ADAMTSL1: variants seen among roughly 807,000 people sequenced by gnomAD.
The protein encoded by ADAMTSL1 is ADAMTS-like protein 1.
ADAMTSL1 carries 126 observed loss-of-function variants against 201.8 expected under a neutral mutation model. The ratio of observed to expected loss-of-function variants is 0.62; its 90% CI spans 0.54 to 0.72. The LOEUF is 0.72. Ranked by LOEUF, ADAMTSL1 falls within the 30% of genes least tolerant of loss-of-function variation. The pLI is 0.00. For synonymous variants in ADAMTSL1, 1,121 were observed against 903.4 expected (o/e 1.24, Z -4.32); for missense variants, 2,679 against 2,277.8 (o/e 1.18, Z -3.59).
At chr9:18,639,784 C>G (rs975475152) in intron 7 of ADAMTSL1, among the ~76,000 whole-genome samples, 1 of 152,020 alleles carries the variant, frequency 6.6e-6, no homozygotes, top group Non-Finnish European at 1.5e-5. Context: ...ACTAATTATC[C>G]ATCATCTTGG....
intron 1 of ADAMTSL1, among the ~76,000 whole-genome samples, chr9:18,486,901 A>C (rs1260925521): frequency 6.6e-6 from 1 of 152,170 alleles, no homozygotes; most frequent in African/African-American, 2.4e-5. Context: ...CCTTAGATTC[A>C]TGTCACAATT....
intron 2 of ADAMTSL1, among the ~76,000 whole-genome samples, chr9:18,397,677 G>A (rs1252677670): frequency 2.0e-5 from 3 of 152,070 alleles, no homozygotes; most frequent in Admixed American, 2.0e-4. Flanking sequence ...TTGGATTATA[G>A]GACATACCAC....
At chr9:18,118,229 G>A (rs937454677) in intron 1 of ADAMTSL1, among the ~76,000 whole-genome samples, 23 of 152,294 alleles carry the variant, frequency 1.5e-4, no homozygotes, top group African/African-American at 4.6e-4. Context: ...AACAATTCTG[G>A]TTCACTCAGT....
At chr9:18,800,921 T>A (rs2131081555) in intron 20 of ADAMTSL1, among the ~76,000 whole-genome samples, 2 of 152,202 alleles carry the variant, frequency 1.3e-5, no homozygotes, top group South Asian at 4.1e-4. Flanking sequence ...TCAACATCAA[T>A]TAAATAATTA....
intron 26 of ADAMTSL1, among the ~76,000 whole-genome samples, chr9:18,902,374 T>C (rs1231005211): frequency 6.6e-6 from 1 of 152,162 alleles, no homozygotes; most frequent in African/African-American, 2.4e-5. Context: ...AAATAATTCT[T>C]AATACAGTTC....
chr9:18,014,542 T>C (rs1563949454), intron 1 of ADAMTSL1, among the ~76,000 whole-genome samples: 1 of 152,122 alleles, frequency 6.6e-6, no homozygotes, highest in Non-Finnish European at 1.5e-5. Context: ...ACCTTATGCA[T>C]TCAAAACTGA....
chr9:18,559,955 CAG>C lies in ADAMTSL1; in HGVS notation c.238-14071_238-14070del, dbSNP rs576257318. 7.6e-4 allele frequency among the ~76,000 whole-genome samples: 116 copies of C among 152,222 alleles called. 2 individuals carry two copies. In the South Asian group the frequency reaches 0.024, roughly 31 times the overall value. ...AATATACAATTATGTCATCTGCAAACAGAGACAATTTGACTTCCCCTTTTCCT... is the reference window on the plus strand; with the variant it reads ...AATATACAATTATGTCATCTGCAAACAGACAATTTGACTTCCCCTTTTCCT... On this transcript the variant is annotated intron_variant, in intron 3 of 28. Coordinates refer to ENST00000380548, the MANE Select transcript of ADAMTSL1 (RefSeq NM_001040272.6).
chr9:18,349,837 G>A (rs140461803), intron 2 of ADAMTSL1, among the ~76,000 whole-genome samples: 1,705 of 151,952 alleles, frequency 0.011, 18 homozygotes, highest in Non-Finnish European at 0.02. Flanking sequence ...TACCCCACAA[G>A]CTTTTCAGAG....
At chr9:18,611,269 G>T (rs1050329844) in intron 4 of ADAMTSL1, among the ~76,000 whole-genome samples, 3 of 152,166 alleles carry the variant, frequency 2.0e-5, no homozygotes, top group Non-Finnish European at 4.4e-5. Context: ...CAGTCTGAGA[G>T]ACAGAAGCAA....
chr9:18,643,282 T>C (rs1223720584), intron 7 of ADAMTSL1, among the ~76,000 whole-genome samples: 1 of 152,100 alleles, frequency 6.6e-6, no homozygotes, highest in Non-Finnish European at 1.5e-5. Context: ...TTTCTTGCTA[T>C]TGAGTTGTTT....
chr9:18,532,160 C>T (rs1819482877), intron 2 of ADAMTSL1, among the ~76,000 whole-genome samples: 1 of 152,026 alleles, frequency 6.6e-6, no homozygotes, highest in South Asian at 2.1e-4. Context: ...TACTGTTTTT[C>T]ATGATTTAAG....
chr9:18,167,051 C>T (rs548574675), intron 2 of ADAMTSL1, among the ~76,000 whole-genome samples: 1 of 151,962 alleles, frequency 6.6e-6, no homozygotes, highest in Non-Finnish European at 1.5e-5. Context: ...CAGCAGTCAA[C>T]TAAACTTCCA....
chr9:17,932,184 C>G (rs566810140), intron 1 of ADAMTSL1, among the ~76,000 whole-genome samples: 32 of 152,190 alleles, frequency 2.1e-4, no homozygotes, highest in Non-Finnish European at 4.0e-4. Flanking sequence ...ACCATGGGCT[C>G]AAGCAGTGCT....
chr9:18,234,783 G>A (rs1830776284), intron 2 of ADAMTSL1, among the ~76,000 whole-genome samples: 1 of 152,178 alleles, frequency 6.6e-6, no homozygotes, highest in African/African-American at 2.4e-5. Context: ...TTCAGAACCA[G>A]ATTTGTCCTC....
At chr9:18,474,121 A>C, upstream of ADAMTSL1, 2 of 613,234 alleles carry the variant, frequency 3.3e-6, no homozygotes, top group Non-Finnish European at 2.8e-6. Context: ...GGGCTGATGG[A>C]AGCTGATAGG....
chr9:18,140,867 G>A (rs1288744927), intron 1 of ADAMTSL1, among the ~76,000 whole-genome samples: 1 of 152,188 alleles, frequency 6.6e-6, no homozygotes, highest in African/African-American at 2.4e-5. Context: ...TAGTTAATGT[G>A]ACAGAGCTGT....
rs192906410 is a variant in ADAMTSL1 at position 18,671,403 on chromosome 9, G to C, written c.1086-4454G>C. On this transcript the variant is annotated intron_variant, in intron 9 of 28. Coordinates refer to ENST00000380548, the MANE Select transcript of ADAMTSL1 (RefSeq NM_001040272.6). ...AGAGTAGGCTGGATTGATTTGTTACGAGACTGGTATGAAAGTGCCCAAACT... is the reference window on the plus strand; with the variant it reads ...AGAGTAGGCTGGATTGATTTGTTACCAGACTGGTATGAAAGTGCCCAAACT... Among the ~76,000 whole-genome samples the C allele has an allele frequency of 9.2e-4, 140 of 152,294 alleles. 4 individuals carry two copies. The highest frequency in any genetic ancestry group is 3.2e-3 in the African/African-American group (134 of 41,556).
intron 1 of ADAMTSL1, among the ~76,000 whole-genome samples, chr9:18,153,046 T>C (rs1166786420): frequency 1.5e-5 from 1 of 66,962 alleles, no homozygotes; most frequent in Non-Finnish European, 4.3e-5. Flanking sequence ...CAGCATGAAG[T>C]AGAAAAAAAA....
intron 4 of ADAMTSL1, among the ~76,000 whole-genome samples, chr9:18,609,741 G>A (rs888627683): frequency 6.6e-6 from 1 of 151,980 alleles, no homozygotes; most frequent in African/African-American, 2.4e-5. Flanking sequence ...CAACACACAG[G>A]GTCTGATAAT....
Sources: allele counts gnomAD v4.1 joint callset (sites outside exome capture counted in the v4.1 genomes callset), GRCh38; gene constraint gnomAD v4.1.1; transcripts MANE v1.5; gene names NCBI Gene and HGNC (gene_info 2026-07-23, HGNC 2026-07-21).